Variants in MTHFD2L observed in about 807,000 individuals in gnomAD.
The protein encoded by MTHFD2L is bifunctional methylenetetrahydrofolate dehydrogenase/cyclohydrolase 2, mitochondrial.
A neutral mutation model predicts 34.9 loss-of-function variants in MTHFD2L; 29 were observed. The ratio of observed to expected loss-of-function variants is 0.83; its 90% CI spans 0.62 to 1.13. The LOEUF (loss-of-function observed/expected upper bound fraction) is 1.13, where lower values mean the gene tolerates loss of function less well. Ranked by LOEUF, MTHFD2L falls within the 50% of genes most tolerant of loss-of-function variation. MTHFD2L has a pLI of 0.00. For missense variants in MTHFD2L, 481 were observed against 446.5 expected (o/e 1.08, Z -0.70); for synonymous variants, 167 against 155.7 (o/e 1.07, Z -0.54).
chr4:74,271,288 G>A (rs1297592534), intron 6 of MTHFD2L, among the ~76,000 whole-genome samples: 1 of 152,160 alleles, frequency 6.6e-6, no homozygotes, highest in East Asian at 1.9e-4. Flanking sequence ...TTCTTCTAGA[G>A]TTTTTATGGT....
intron 6 of MTHFD2L, among the ~76,000 whole-genome samples, chr4:74,255,296 GT>G (rs1007184771): frequency 2.6e-5 from 4 of 152,046 alleles, no homozygotes; most frequent in African/African-American, 9.7e-5. Flanking sequence ...CTTGAATACA[GT>G]TGTAACTGTA....
chr4:74,263,300 CT>C (rs2110227879), intron 6 of MTHFD2L, among the ~76,000 whole-genome samples: 1 of 151,938 alleles, frequency 6.6e-6, no homozygotes, highest in Non-Finnish European at 1.5e-5. Flanking sequence ...TTAAGATTGC[CT>C]TGGCTATTTG....
intron 1 of MTHFD2L, among the ~76,000 whole-genome samples, chr4:74,138,305 G>T (rs1578241757): frequency 6.6e-6 from 1 of 152,130 alleles, no homozygotes; most frequent in East Asian, 1.9e-4. Flanking sequence ...TGTTACAGGC[G>T]GGTCTTTGTT....
intron 3 of MTHFD2L, chr4:74,194,609 C>G (rs771476259): frequency 3.9e-5 from 6 of 152,238 alleles, no homozygotes; most frequent in Non-Finnish European, 8.8e-5. Flanking sequence ...TGATGTTAAT[C>G]AAGTTTAGCC....
At chr4:74,299,493 A>T (rs750599425) in intron 7 of MTHFD2L, among the ~76,000 whole-genome samples, 13 of 151,970 alleles carry the variant, frequency 8.6e-5, no homozygotes, top group Non-Finnish European at 1.5e-4. Flanking sequence ...CCAGTGCTTG[A>T]GAAAAGGTCC....
At position 74,272,006 on chromosome 4, in the gene MTHFD2L, A is replaced by G. The variant is rs538110200; in HGVS notation, c.806-9419A>G. Among the ~76,000 whole-genome samples, 31 of 152,282 alleles carry G rather than the reference A, an allele frequency of 2.0e-4. No individual in the cohort carries two copies. In the South Asian group the frequency reaches 5.6e-3, roughly 27 times the overall value. On this transcript the variant is annotated intron_variant, in intron 6 of 7. Transcript: ENST00000325278. ...CTGAAGCTGGATAGATGTAGCCCCAATAATGTTGATGATAATACCAAAGTT... is the reference window on the plus strand; with the variant it reads ...CTGAAGCTGGATAGATGTAGCCCCAGTAATGTTGATGATAATACCAAAGTT...
intron 7 of MTHFD2L, among the ~76,000 whole-genome samples, chr4:74,289,539 C>T (rs1027100402): frequency 2.0e-5 from 3 of 152,044 alleles, no homozygotes; most frequent in African/African-American, 7.2e-5. Context: ...GGATGTGGGG[C>T]AAAGAAATCA....
At chr4:74,241,958 G>C (rs1005581976) in intron 6 of MTHFD2L, 3 of 154,104 alleles carry the variant, frequency 1.9e-5, no homozygotes, top group African/African-American at 7.2e-5. Context: ...CGGGAGTCAA[G>C]GACAGGTTGA....
At chr4:74,253,417 TG>T (rs1232796070) in intron 6 of MTHFD2L, among the ~76,000 whole-genome samples, 1 of 152,140 alleles carries the variant, frequency 6.6e-6, no homozygotes, top group Non-Finnish European at 1.5e-5. Flanking sequence ...CTAAGGAATG[TG>T]GGTAAGATGT....
intron 5 of MTHFD2L, among the ~76,000 whole-genome samples, chr4:74,208,916 C>A (rs576977181): frequency 7.2e-5 from 11 of 152,264 alleles, no homozygotes; most frequent in African/African-American, 2.2e-4. Flanking sequence ...CTGCTTGCTG[C>A]TGACAGAGGG....
chr4:74,186,438 GAAAAAAA>G (rs59325238), intron 3 of MTHFD2L, among the ~76,000 whole-genome samples: 1 of 88,192 alleles, frequency 1.1e-5, no homozygotes, highest in Non-Finnish European at 2.0e-5. Flanking sequence ...GGGAATCCAT[GAAAAAAA>G]AAAAAAAAAA....
chr4:74,190,911 G>GT (rs1367907342), intron 3 of MTHFD2L, among the ~76,000 whole-genome samples: 6 of 151,752 alleles, frequency 4.0e-5, no homozygotes, highest in African/African-American at 1.2e-4. Context: ...TTTGTTTTTT[G>GT]TTTTTTTGAG....
intron 6 of MTHFD2L, among the ~76,000 whole-genome samples, chr4:74,273,155 G>T (rs1033716926): frequency 4.6e-5 from 7 of 152,236 alleles, no homozygotes; most frequent in African/African-American, 1.7e-4. Flanking sequence ...TTTTATCGTG[G>T]TGAGGCTTTG....
intron 7 of MTHFD2L, among the ~76,000 whole-genome samples, chr4:74,284,976 G>A (rs775754753): frequency 2.0e-5 from 3 of 152,134 alleles, no homozygotes; most frequent in Non-Finnish European, 4.4e-5. Flanking sequence ...TTAAGAAAAT[G>A]TGGCACATAT....
chr4:74,213,855 G>A (rs1236124454), intron 5 of MTHFD2L, among the ~76,000 whole-genome samples: 1 of 152,060 alleles, frequency 6.6e-6, no homozygotes, highest in East Asian at 1.9e-4. Flanking sequence ...GTCAAACATA[G>A]GTTTTGGTCT....
chr4:74,191,841 G>A (rs1036010704), intron 3 of MTHFD2L, among the ~76,000 whole-genome samples: 1 of 152,112 alleles, frequency 6.6e-6, no homozygotes, highest in Non-Finnish European at 1.5e-5. Flanking sequence ...ACAGGCATGA[G>A]CCACCGTGCC....
At chr4:74,212,320 T>C (rs1206558834) in intron 5 of MTHFD2L, among the ~76,000 whole-genome samples, 1 of 152,200 alleles carries the variant, frequency 6.6e-6, no homozygotes, top group Non-Finnish European at 1.5e-5. Flanking sequence ...CACTTTCTCC[T>C]GTGGGTATTT....
chr4:74,274,667 T>C (rs906574146), intron 6 of MTHFD2L, among the ~76,000 whole-genome samples: 1 of 152,192 alleles, frequency 6.6e-6, no homozygotes, highest in Non-Finnish European at 1.5e-5. Context: ...GAGAACTGCA[T>C]TGACAGAGCC....
At chr4:74,240,775 A>G (rs1050956244) in intron 6 of MTHFD2L, among the ~76,000 whole-genome samples, 10 of 152,156 alleles carry the variant, frequency 6.6e-5, no homozygotes, top group African/African-American at 1.4e-4. Flanking sequence ...CCCATTTCCA[A>G]TCACTGGCAA....
Sources: gnomAD v4.1 joint callset for allele counts (sites outside exome capture counted in the v4.1 genomes callset) on GRCh38, gnomAD v4.1.1 for gene constraint, MANE v1.5 for transcripts, NCBI Gene and HGNC (gene_info 2026-07-23, HGNC 2026-07-21) for gene names.